Variants in LRP2 observed in about 807,000 individuals in gnomAD.
LRP2 encodes the protein low-density lipoprotein receptor-related protein 2.
In LRP2, 172 loss-of-function variants were observed where a neutral mutation model predicts 531.0. The ratio of observed to expected loss-of-function variants is 0.32; its 90% confidence interval spans 0.29 to 0.37. LRP2 has a LOEUF of 0.37. Among genes scored for constraint, LRP2 ranks in the 10% least tolerant of loss-of-function variants. LRP2 has a pLI of 1.00. For synonymous variants in LRP2, 1,992 were observed against 2,027.6 expected (o/e 0.98, Z 0.47); for missense variants, 5,167 against 5,868.3 (o/e 0.88, Z 3.90).
At chr2:169,163,038 G>A (rs1386539281) in intron 62 of LRP2, among the ~76,000 whole-genome samples, 1 of 152,244 alleles carries the variant, frequency 6.6e-6, no homozygotes, top group East Asian at 1.9e-4. Flanking sequence ...GATGAGGGAA[G>A]TAGAGTACTG....
chr2:169,152,058 C>T (rs1686160749), intron 67 of LRP2, among the ~76,000 whole-genome samples: 1 of 152,130 alleles, frequency 6.6e-6, no homozygotes, highest in Non-Finnish European at 1.5e-5. Flanking sequence ...GAATCATTTT[C>T]CCACCAATGT....
At chr2:169,227,930 TA>T (rs1476929507) in intron 31 of LRP2, among the ~76,000 whole-genome samples, 2 of 152,190 alleles carry the variant, frequency 1.3e-5, no homozygotes, top group Non-Finnish European at 2.9e-5. Flanking sequence ...CAGGAAACAG[TA>T]ATAGGAGATG....
chr2:169,233,718 G>A, intron 29 of LRP2, 130 bp from the exon 30 acceptor site: 1 of 879,576 alleles, frequency 1.1e-6, no homozygotes, highest in Non-Finnish European at 1.9e-6. Context: ...ACACAAGGAA[G>A]TCATTGTGCA....
At chr2:169,150,331 A>T (rs1057068458) in intron 68 of LRP2, among the ~76,000 whole-genome samples, 6 of 152,240 alleles carry the variant, frequency 3.9e-5, no homozygotes, top group African/African-American at 1.4e-4. Flanking sequence ...CAGCTTAGTG[A>T]TTATTCAAAT....
rs1182114073 is a variant in LRP2, at chr2:169,162,580, G to A, written c.11779C>T (p.Pro3927Ser). 6.2e-7 allele frequency: 1 copy of A among 1,614,114 alleles called. No homozygotes were observed. Among genetic ancestry groups the A allele is most frequent in the East Asian group, 2.2e-5 (1 of 44,882 alleles). ...CACTTATATTCATATTCTGTACAAG[G>A]TTTAGGGGTCGGTTTTCTACCTGCA... ...EEHCRKPTPK[P>S]CTEYEYKCGN... The change falls in exon 63 of 79, where the codon CCT (proline) becomes TCT (serine). Residue 3927 changes from proline (P) to serine (S), a missense_variant. Pro to Ser is a moderately conservative substitution (Grantham distance 74). Coordinates refer to ENST00000649046, the MANE Select transcript of LRP2 (RefSeq NM_004525.3).
At chr2:169,176,350 G>C in intron 54 of LRP2, 61 bp downstream of exon 54, 1 of 1,599,294 alleles carries the variant, frequency 6.3e-7, no homozygotes, top group East Asian at 2.2e-5. Context: ...TTGGAGCCTT[G>C]AAGGTCAATG....
Position 169,299,121 on chromosome 2 carries a change from AAG to A in LRP2, c.428-4413_428-4412del, listed in dbSNP as rs1260724283. Among the ~76,000 whole-genome samples the A allele has an allele frequency of 1.2e-4, 13 of 106,946 alleles. 2 individuals carry two copies. Among genetic ancestry groups the A allele is most frequent in the Non-Finnish European group, 8.1e-5 (4 of 49,324 alleles). The allele number at this position is 106,946 out of a possible 152,430, so 70.2% of individuals were successfully genotyped here. On this transcript the variant is annotated intron_variant, in intron 4 of 78. Coordinates refer to ENST00000649046, the MANE Select transcript of LRP2 (RefSeq NM_004525.3). The stretch of plus-strand genomic sequence containing the variant: ...AAAGAAAGAAAGAAAGAAAGAAAGA[AAG>A]AAAGAAAGAAAGAAAGAAAGAAAGA...
At position 169,286,707 on chromosome 2, in the gene LRP2, T is replaced by C. The variant is rs1178552944; in HGVS notation, c.1042+2319A>G. On this transcript the variant is annotated intron_variant, in intron 9 of 78. Coordinates refer to ENST00000649046, the MANE Select transcript of LRP2 (RefSeq NM_004525.3). Reference sequence around the variant, plus strand: ...GGTGGAACAAAAAACTGAGAACAGCTTGTGGGGCATCACAAGACTGAATTA... The same window carrying C: ...GGTGGAACAAAAAACTGAGAACAGCCTGTGGGGCATCACAAGACTGAATTA... Among the ~76,000 whole-genome samples, 7 of 152,284 alleles carry C rather than the reference T, an allele frequency of 4.6e-5. No individual in the cohort carries two copies. In the South Asian group the frequency reaches 6.2e-4, roughly 14 times the overall value.
At chr2:169,173,364 T>C (rs1041465878) in intron 56 of LRP2, 140 bp from the exon 57 acceptor site, 5 of 994,282 alleles carry the variant, frequency 5.0e-6, no homozygotes, top group Non-Finnish European at 6.2e-6. Flanking sequence ...GTGTCTGTTT[T>C]AGATGTGATC....
At chr2:169,222,636 T>C (rs1225796751) in intron 33 of LRP2, among the ~76,000 whole-genome samples, 1 of 152,196 alleles carries the variant, frequency 6.6e-6, no homozygotes, top group African/African-American at 2.4e-5. Flanking sequence ...TATACACACC[T>C]ATGACAAAGT....
intron 10 of LRP2, 69 bp from the exon 11 acceptor site, chr2:169,280,588 G>C: frequency 6.8e-7 from 1 of 1,467,520 alleles, no homozygotes; most frequent in Non-Finnish European, 9.5e-7. Context: ...GCTTACAAAT[G>C]ATATGCTTTC....
chr2:169,166,628 G>A (rs1686795030), intron 61 of LRP2, among the ~76,000 whole-genome samples: 1 of 152,124 alleles, frequency 6.6e-6, no homozygotes. Context: ...AAATTGTGTT[G>A]GATTTTCCTT....
At position 169,207,239 on chromosome 2, in the gene LRP2, A is replaced by G. The variant is rs779780210; in HGVS notation, c.6481T>C (p.Phe2161Leu). The G allele has an allele frequency of 6.2e-7, 1 of 1,613,656 alleles. No individual in the cohort carries two copies. The highest frequency in any genetic ancestry group is 2.2e-5 in the East Asian group (1 of 44,878). Residue 2161 changes from phenylalanine (F) to leucine (L), a missense_variant, in exon 39 of 79, where the codon TTC becomes CTC. Physicochemically the swap from Phe to Leu is conservative, Grantham distance 22. Transcript: ENST00000649046. ...GTTTCAGAAACAAAGGCATTGGTGA[A>G]ATAAAGATTTCCTATGGGAAAAATG... Reference protein sequence around the residue: ...AVDWVAGNLYFTNAFVSETLI... With the variant: ...AVDWVAGNLYLTNAFVSETLI...
chr2:169,284,421 C>T (rs1364457724), intron 9 of LRP2, among the ~76,000 whole-genome samples: 1 of 151,668 alleles, frequency 6.6e-6, no homozygotes. Flanking sequence ...TGCGCCACCA[C>T]ACCTGGCTAA....
chr2:169,137,461 C>T lies in LRP2; in HGVS notation c.13551G>A (p.Gln4517=). ...SEDFVMEMGK[Q]PIIFENPMYS... is the part of the protein sequence containing the mutation. ...ACATTGGGTTTTCAAATATTATGGG[C>T]TGCTTCCCCATTTCCATGACAAAGT... The change falls in exon 76 of 79, where the codon CAG becomes CAA. Residue 4517 remains glutamine, a synonymous_variant. Transcript: ENST00000649046. The T allele has an allele frequency of 6.2e-7, 1 of 1,613,610 alleles. No homozygotes were observed. Among genetic ancestry groups the T allele is most frequent in the Non-Finnish European group, 8.5e-7 (1 of 1,179,648 alleles).
chr2:169,348,856 C>T (rs775178541), intron 1 of LRP2, among the ~76,000 whole-genome samples: 2 of 152,128 alleles, frequency 1.3e-5, no homozygotes, highest in Non-Finnish European at 2.9e-5. Flanking sequence ...AGAGAAACAG[C>T]GTTGCTAAGC....
intron 8 of LRP2, among the ~76,000 whole-genome samples, 194 bp downstream of exon 8, chr2:169,290,651 C>A (rs1201002855): frequency 6.6e-6 from 1 of 152,172 alleles, no homozygotes; most frequent in East Asian, 1.9e-4. Context: ...TGTGAGTGAG[C>A]TGATACAGGC....
chr2:169,322,446 C>T (rs57764549), intron 1 of LRP2, among the ~76,000 whole-genome samples: 5,526 of 152,192 alleles, frequency 0.036, 162 homozygotes, highest in East Asian at 0.096. Flanking sequence ...TAGACTAATG[C>T]ATGATGGTGG....
chr2:169,137,995 G>A (rs1425874122), intron 75 of LRP2, among the ~76,000 whole-genome samples: 2 of 152,158 alleles, frequency 1.3e-5, no homozygotes, highest in African/African-American at 4.8e-5. Flanking sequence ...CAAGACTGTG[G>A]CAGCCCCCTC....
Sources: allele counts gnomAD v4.1 joint callset (sites outside exome capture counted in the v4.1 genomes callset), GRCh38; gene constraint gnomAD v4.1.1; transcripts MANE v1.5; gene names NCBI Gene and HGNC (gene_info 2026-07-23, HGNC 2026-07-21).